Variants in NCKAP5 observed in about 807,000 individuals in gnomAD.
The protein encoded by NCKAP5 is NCK associated protein 5.
In NCKAP5, 92 loss-of-function variants were observed where a neutral mutation model predicts 167.0. The ratio of observed to expected loss-of-function variants is 0.55; its 90% CI spans 0.47 to 0.66. The LOEUF is 0.66. Ranked by LOEUF, NCKAP5 falls within the 30% of genes least tolerant of loss-of-function variation. NCKAP5 has a pLI of 0.00. For synonymous variants in NCKAP5, 891 were observed against 877.4 expected, an observed-to-expected ratio of 1.02 and a Z score of -0.27; for missense variants, 2,378 against 2,315.0, an observed-to-expected ratio of 1.03 and a Z score of -0.56.
rs780838969 is a variant in NCKAP5 at position 132,784,450 on chromosome 2, C to A, written c.2361G>T (p.Arg787Ser). The A allele has an allele frequency of 3.7e-6, 6 of 1,604,676 alleles. No individual in the cohort carries two copies. The highest frequency in any genetic ancestry group is 5.1e-6 in the Non-Finnish European group (6 of 1,176,372). Residue 787 changes from arginine to serine, a missense_variant, in exon 14 of 20, where the codon AGG becomes AGT. By Grantham distance (110) the Arg-to-Ser change is moderately radical. This residue lies in a region of NCKAP5 where 1,049 missense variants were observed against 1,023.4 expected (regional missense o/e 1.02). Coordinates refer to ENST00000409261, the MANE Select transcript of NCKAP5 (RefSeq NM_207363.3). ...GATAGATGCCCATGGGTGCCGAAGA[C>A]CTGGAATTACTCTGGCATGATATAT... ...THNISCQSNS[R>S]SSAPMGIYQK...
the NCKAP5 span, among the ~76,000 whole-genome samples, chr2:133,598,773 A>G: frequency 6.6e-6 from 1 of 152,224 alleles, no homozygotes; most frequent in East Asian, 1.9e-4. Context: ...TAGGGCTTCC[A>G]TTACAAATGA....
intron 1 of NCKAP5, among the ~76,000 whole-genome samples, chr2:133,567,700 T>TG (rs1553444010): frequency 0.019 from 2,648 of 136,922 alleles, 32 homozygotes; most frequent in Non-Finnish European, 0.027. Context: ...TGTGTGTGTG[T>TG]TTGGGGAGAG....
intron 8 of NCKAP5, among the ~76,000 whole-genome samples, chr2:132,932,912 T>C (rs1399172316): frequency 1.3e-5 from 2 of 149,962 alleles, no homozygotes; most frequent in South Asian, 2.1e-4. Flanking sequence ...CTTTCCTGAT[T>C]ATCCTCTACT....
chr2:133,015,114 T>C (rs1246671431), intron 6 of NCKAP5, among the ~76,000 whole-genome samples: 1 of 152,208 alleles, frequency 6.6e-6, no homozygotes, highest in Non-Finnish European at 1.5e-5. Flanking sequence ...GCAGTAATCA[T>C]GATTAATATT....
chr2:132,979,815 G>A (rs967137858), intron 7 of NCKAP5, among the ~76,000 whole-genome samples: 2 of 152,042 alleles, frequency 1.3e-5, no homozygotes, highest in African/African-American at 4.8e-5. Flanking sequence ...CAGAAGCTTT[G>A]CATGTCTCCT....
chr2:132,704,620 A>G (rs571846475), intron 19 of NCKAP5, among the ~76,000 whole-genome samples: 1 of 152,316 alleles, frequency 6.6e-6, no homozygotes, highest in Admixed American at 6.5e-5. Context: ...GTCCTTTGGA[A>G]TCTACCATCC....
intron 3 of NCKAP5, among the ~76,000 whole-genome samples, chr2:133,379,683 AG>A (rs1477866086): frequency 3.3e-5 from 5 of 152,156 alleles, no homozygotes; most frequent in Non-Finnish European, 4.4e-5. Context: ...GACACATAGT[AG>A]GTTTTCAGTA....
intron 4 of NCKAP5, among the ~76,000 whole-genome samples, chr2:133,282,935 T>G (rs2089980982): frequency 6.6e-6 from 1 of 152,168 alleles, no homozygotes; most frequent in Admixed American, 6.5e-5. Flanking sequence ...ATTAAAACAA[T>G]CCTTGACTGT....
intron 3 of NCKAP5, among the ~76,000 whole-genome samples, chr2:133,476,687 T>C (rs1398195606): frequency 2.6e-5 from 4 of 152,246 alleles, no homozygotes; most frequent in Admixed American, 2.6e-4. Context: ...AATTATGTTT[T>C]AAAATGTTTA....
At chr2:132,853,384 C>T (rs1689221877) in intron 11 of NCKAP5, among the ~76,000 whole-genome samples, 1 of 152,154 alleles carries the variant, frequency 6.6e-6, no homozygotes, top group Admixed American at 6.5e-5. Context: ...TTCCTGCTTC[C>T]TTCACCTGGC....
intron 6 of NCKAP5, among the ~76,000 whole-genome samples, chr2:133,027,838 TATA>T (rs762282114): frequency 8.5e-5 from 13 of 152,230 alleles, no homozygotes; most frequent in Non-Finnish European, 1.5e-4. Context: ...CATATGTTTA[TATA>T]ATAATATTTG....
the NCKAP5 span, among the ~76,000 whole-genome samples, chr2:133,607,518 C>T: frequency 6.6e-6 from 1 of 152,126 alleles, no homozygotes; most frequent in Non-Finnish European, 1.5e-5. Context: ...CAAGCTGAGA[C>T]AACACTGGAT....
At chr2:133,120,677 A>G (rs776879120) in intron 6 of NCKAP5, among the ~76,000 whole-genome samples, 1 of 152,212 alleles carries the variant, frequency 6.6e-6, no homozygotes, top group Admixed American at 6.5e-5. Context: ...GAGGCAACTC[A>G]TCTTTTATAG....
intron 4 of NCKAP5, chr2:133,284,789 T>G (rs1253197373): frequency 6.6e-6 from 1 of 152,246 alleles, no homozygotes; most frequent in East Asian, 1.9e-4. Context: ...ATCCACAATT[T>G]CTTCTTTGAT....
At chr2:133,565,677 G>T (rs1688495303) in intron 1 of NCKAP5, among the ~76,000 whole-genome samples, 1 of 152,154 alleles carries the variant, frequency 6.6e-6, no homozygotes, top group Admixed American at 6.5e-5. Context: ...AGCCAGGAAA[G>T]ACAGCCAGGC....
intron 3 of NCKAP5, among the ~76,000 whole-genome samples, chr2:133,387,147 T>G (rs1488541667): frequency 6.6e-6 from 1 of 152,330 alleles, no homozygotes; most frequent in East Asian, 1.9e-4. Context: ...AACTTGATGG[T>G]CTTTACAATT....
At chr2:133,417,798 T>A (rs1260249144) in intron 3 of NCKAP5, among the ~76,000 whole-genome samples, 1 of 152,098 alleles carries the variant, frequency 6.6e-6, no homozygotes, top group African/African-American at 2.4e-5. Flanking sequence ...TAGGCCATAA[T>A]GGTGAAAAAG....
chr2:133,255,022 G>A (rs1247218323), intron 4 of NCKAP5, among the ~76,000 whole-genome samples: 1 of 151,820 alleles, frequency 6.6e-6, no homozygotes, highest in Non-Finnish European at 1.5e-5. Flanking sequence ...CAAGCAATTT[G>A]ACTATGAAAA....
At chr2:132,836,876 G>A (rs1418409189) in intron 11 of NCKAP5, among the ~76,000 whole-genome samples, 1 of 152,088 alleles carries the variant, frequency 6.6e-6, no homozygotes, top group Non-Finnish European at 1.5e-5. Context: ...CTGCTTTCTT[G>A]TATCAAATCC....
Sources: gnomAD v4.1 joint callset for allele counts (sites outside exome capture counted in the v4.1 genomes callset) on GRCh38, gnomAD v4.1.1 for gene constraint, gnomAD v4.1.1 regional missense constraint, MANE v1.5 for transcripts, NCBI Gene and HGNC (gene_info 2026-07-23, HGNC 2026-07-21) for gene names.